The following MEIOB variants were observed in gnomAD, a reference collection of about 807,000 sequenced individuals.
MEIOB encodes meiosis specific with OB-fold.
MEIOB carries 50 observed loss-of-function variants against 53.1 expected under a neutral mutation model. The ratio of observed to expected loss-of-function variants is 0.94; its 90% CI spans 0.75 to 1.19. MEIOB has a LOEUF of 1.19. Ranked by LOEUF, MEIOB falls within the 50% of genes most tolerant of loss-of-function variation. MEIOB has a pLI of 0.00. For missense variants in MEIOB, 551 were observed against 550.8 expected (o/e 1.00, Z 0.00); for synonymous variants, 192 against 182.5 (o/e 1.05, Z -0.42).
chr16:1,869,642 G>C (rs868212139), intron 1 of MEIOB, among the ~76,000 whole-genome samples: 1 of 151,324 alleles, frequency 6.6e-6, no homozygotes, highest in Admixed American at 6.6e-5. Flanking sequence ...TAGTAGAGAC[G>C]GGGTTTCACC....
intron 9 of MEIOB, among the ~76,000 whole-genome samples, chr16:1,849,681 CT>C (rs1188764566): frequency 6.6e-6 from 1 of 151,580 alleles, no homozygotes; most frequent in South Asian, 2.1e-4. Flanking sequence ...AAAAGTAAAG[CT>C]GATATAAACA....
intron 9 of MEIOB, among the ~76,000 whole-genome samples, chr16:1,852,332 G>A (rs1899194454): frequency 7.3e-6 from 1 of 137,264 alleles, no homozygotes; most frequent in Non-Finnish European, 1.5e-5. Context: ...GTGCAATCTC[G>A]GCTCACTGCA....
intron 6 of MEIOB, among the ~76,000 whole-genome samples, chr16:1,857,222 C>T (rs1657120): frequency 0.83 from 125,676 of 152,120 alleles, 52,050 homozygotes; most frequent in Middle Eastern, 0.9. Context: ...TGGTGCCCCA[C>T]GGAGGGCCAT....
Position 1,865,771 on chromosome 16 carries a change from A to T in MEIOB, c.127+7T>A. 6.5e-7 allele frequency: 1 copy of T among 1,544,800 alleles called. No homozygotes were observed. The highest frequency in any genetic ancestry group is 2.5e-5 in the East Asian group (1 of 40,792). On this transcript the variant is annotated splice_region_variant and intron_variant, in intron 3 of 13. Coordinates refer to ENST00000325962, the MANE Select transcript of MEIOB (RefSeq NM_001163560.3). ...AAAATGAAACCAAGAGTTAAACAGAACTCAGCTTTTTCTGTCTGGAAAGCC... is the reference window on the plus strand; with the variant it reads ...AAAATGAAACCAAGAGTTAAACAGATCTCAGCTTTTTCTGTCTGGAAAGCC...
At position 1,841,844 on chromosome 16, in the gene MEIOB, G is replaced by C. The variant is rs141089287; in HGVS notation, c.1010C>G (p.Thr337Ser). 5 of 1,586,686 alleles carry C rather than the reference G, an allele frequency of 3.2e-6. No homozygotes were observed. Among genetic ancestry groups the C allele is most frequent in the Admixed American group, 3.6e-5 (2 of 55,098 alleles). ...CCATCTATTTCGAACTACTTTTGTA[G>C]TTTCATCATCAATGTTGAGTGTGGA... The part of the protein sequence containing the change: ...YISTLNIDDE[T>S]TKVVRNRCSS... Residue 337 changes from threonine to serine, a missense_variant, in exon 11 of 14, where the codon ACT becomes AGT. Physicochemically the swap from Thr to Ser is moderately conservative, Grantham distance 58. Transcript: ENST00000325962.
At chr16:1,870,772 T>C (rs1394171233) in intron 1 of MEIOB, among the ~76,000 whole-genome samples, 2 of 152,222 alleles carry the variant, frequency 1.3e-5, no homozygotes, top group African/African-American at 4.8e-5. Flanking sequence ...TGGCCTGGTC[T>C]GATGTGGCTC....
chr16:1,863,361 G>GT lies in MEIOB; in HGVS notation c.128-1246dup, dbSNP rs773060042. ...CATGCCAGGCTAATTTTTGTTTTTT[G>GT]TTTTTTTTTTAGTAAAAACGGGTTT... On this transcript the variant is annotated intron_variant, in intron 3 of 13. Coordinates refer to ENST00000325962, the MANE Select transcript of MEIOB (RefSeq NM_001163560.3). Among the ~76,000 whole-genome samples, 241 of 148,650 alleles carry GT rather than the reference G, an allele frequency of 1.6e-3. 1 individual carries two copies. Among genetic ancestry groups the GT allele is most frequent in the African/African-American group, 5.7e-3 (228 of 40,210 alleles).
At chr16:1,837,978 G>A in intron 12 of MEIOB, 108 bp from the exon 13 acceptor site, 2 of 1,442,954 alleles carry the variant, frequency 1.4e-6, no homozygotes, top group Admixed American at 2.8e-5. Flanking sequence ...AATTTTATTT[G>A]CAGTAATTAC....
At chr16:1,867,070 T>C (rs928849782) in intron 2 of MEIOB, among the ~76,000 whole-genome samples, 6 of 152,146 alleles carry the variant, frequency 3.9e-5, no homozygotes, top group Non-Finnish European at 8.8e-5. Context: ...ATAACAACAA[T>C]TGTTATTTTT....
intron 1 of MEIOB, among the ~76,000 whole-genome samples, chr16:1,870,891 G>C (rs1192459483): frequency 2.0e-5 from 3 of 152,128 alleles, no homozygotes; most frequent in Non-Finnish European, 4.4e-5. Flanking sequence ...AGACATGTGA[G>C]TCGAGAGGAT....
In MEIOB at chr16:1,853,298, C is replaced by T. The variant is rs368932183; in HGVS notation, c.630-27G>A. Reference sequence around the variant, plus strand: ...TGCATTTGTTTAAAAAGAAGTAATACAAATTGAATACACTAGAAAAAACTG... The same window carrying T: ...TGCATTTGTTTAAAAAGAAGTAATATAAATTGAATACACTAGAAAAAACTG... On this transcript the variant is annotated intron_variant, in intron 7 of 13. Transcript: ENST00000325962. 17 of 1,484,516 alleles carry T rather than the reference C, an allele frequency of 1.1e-5. No homozygotes were observed. In the African/African-American group the frequency reaches 2.0e-4, roughly 17 times the overall value. The allele number at this position is 1,484,516 out of a possible 1,614,324, so 92.0% of individuals were successfully genotyped here. A position where few individuals can be genotyped will look rare whatever the true frequency, so the allele number is the denominator to read the frequency against.
intron 9 of MEIOB, among the ~76,000 whole-genome samples, chr16:1,849,203 G>C (rs536115875): frequency 6.6e-6 from 1 of 152,006 alleles, no homozygotes; most frequent in Admixed American, 6.6e-5. Flanking sequence ...GGTGGATCAC[G>C]AGGTCAAGAA....
At chr16:1,834,642 T>C (rs567913143) in intron 13 of MEIOB, among the ~76,000 whole-genome samples, 2 of 152,362 alleles carry the variant, frequency 1.3e-5, no homozygotes, top group East Asian at 3.9e-4. Context: ...AAAAGTCTAA[T>C]GTGGCCGGGT....
intron 2 of MEIOB, 99 bp from the exon 3 acceptor site, chr16:1,865,934 C>T: frequency 2.7e-6 from 2 of 743,162 alleles, no homozygotes; most frequent in Non-Finnish European, 4.3e-6. Flanking sequence ...CTCTAACAAA[C>T]ATTTCTGACT....
intron 13 of MEIOB, 30 bp downstream of exon 13, chr16:1,837,754 G>T (rs1266630481): frequency 6.4e-6 from 7 of 1,097,378 alleles, no homozygotes; most frequent in Non-Finnish European, 9.2e-6. Context: ...TAAATATATA[G>T]AATAATATGG....
intron 9 of MEIOB, among the ~76,000 whole-genome samples, chr16:1,845,981 C>T (rs62038431): frequency 0.18 from 26,633 of 152,108 alleles, 2,469 homozygotes; most frequent in South Asian, 0.26. Context: ...ATACAAGTCT[C>T]CTACCTGTTC....
chr16:1,851,670 T>C (rs1489229952), intron 9 of MEIOB, among the ~76,000 whole-genome samples: 2 of 152,186 alleles, frequency 1.3e-5, no homozygotes, highest in African/African-American at 2.4e-5. Flanking sequence ...AGAGTACTCA[T>C]ATAAAAACCA....
Position 1,841,879 on chromosome 16 carries a change from A to T in MEIOB, c.975T>A (p.Tyr325Ter). The T allele has an allele frequency of 6.2e-7, 1 of 1,608,424 alleles. No homozygotes were observed. The highest frequency in any genetic ancestry group is 8.5e-7 in the Non-Finnish European group (1 of 1,177,380). Reference protein sequence around the residue: ...GKADPSYGILYAYISTLNIDD... With the variant: ...GKADPSYGIL ...CAATGTTGAGTGTGGAAATGTAGGC[A>T]TAAAGGATGCCATAGGAAGGATCAG... is the stretch of plus-strand genomic sequence containing the variant. Residue 325 changes from tyrosine to a stop codon, truncating the protein, a stop_gained, in exon 11 of 14, where the codon TAT becomes TAA. Transcript: ENST00000325962. LOFTEE classifies it high-confidence loss of function.
chr16:1,834,910 G>A (rs1351999127), intron 13 of MEIOB, among the ~76,000 whole-genome samples: 1 of 151,000 alleles, frequency 6.6e-6, no homozygotes, highest in East Asian at 2.0e-4. Context: ...ACTCCAGCTT[G>A]GGCAACTAGA....
Sources: allele counts gnomAD v4.1 joint callset (sites outside exome capture counted in the v4.1 genomes callset), GRCh38; gene constraint gnomAD v4.1.1; transcripts MANE v1.5; gene names NCBI Gene and HGNC (gene_info 2026-07-23, HGNC 2026-07-21).